Variants in MEIS2 observed in about 807,000 individuals in gnomAD.
MEIS2 encodes homeobox protein Meis2.
MEIS2 carries 9 observed loss-of-function variants against 58.6 expected under a neutral mutation model. The ratio of observed to expected loss-of-function variants is 0.15; its 90% CI spans 0.09 to 0.27. The LOEUF (loss-of-function observed/expected upper bound fraction) is 0.27. Ranked by LOEUF, MEIS2 falls within the 10% of genes least tolerant of loss-of-function variation. The pLI is 1.00. For missense variants in MEIS2, 427 were observed against 635.0 expected, an observed-to-expected ratio of 0.67 and a Z score of 3.52; for synonymous variants, 221 against 228.4, an observed-to-expected ratio of 0.97 and a Z score of 0.29.
chr15:37,078,605 C>CAAAAAAAAAAAA (rs540405090), intron 7 of MEIS2, among the ~76,000 whole-genome samples: 16 of 69,412 alleles, frequency 2.3e-4, no homozygotes, highest in Admixed American at 3.8e-4. Flanking sequence ...AAAAAACAAC[C>CAAAAAAAAAAAA]AAAAAAAAAA....
rs1382775870 is a variant in MEIS2, at chr15:36,891,069, A to T, written c.*1104T>A. ...ATTTATTACCGCTTTTTGTGACTTA[A>T]CACCTTTTTTTTTTTAACATAACGT... On this transcript the variant is annotated 3_prime_UTR_variant, in exon 12 of 12. Coordinates refer to ENST00000561208, the MANE Select transcript of MEIS2 (RefSeq NM_170675.5). 5 of 116,844 alleles carry T rather than the reference A, an allele frequency of 4.3e-5. No homozygotes were observed. The highest frequency in any genetic ancestry group is 1.8e-4 in the African/African-American group (5 of 28,188). The allele number at this position is 116,844 out of a possible 1,614,324, so 7.2% of individuals were successfully genotyped here. A position where few individuals can be genotyped will look rare whatever the true frequency, so the allele number is the denominator to read the frequency against.
chr15:37,098,556 A>C, intron 1 of MEIS2: 1 of 380,320 alleles, frequency 2.6e-6, no homozygotes, highest in Non-Finnish European at 3.8e-6. Flanking sequence ...TAAAAATGAA[A>C]AAGCATGAAC....
chr15:37,067,292 G>A (rs1040858735), intron 7 of MEIS2, among the ~76,000 whole-genome samples: 4 of 151,910 alleles, frequency 2.6e-5, no homozygotes, highest in South Asian at 2.1e-4. Context: ...GTTTCACCAC[G>A]TTGTCCAGAC....
At chr15:37,086,172 C>T (rs1892857248) in intron 6 of MEIS2, among the ~76,000 whole-genome samples, 1 of 152,054 alleles carries the variant, frequency 6.6e-6, no homozygotes, top group South Asian at 2.1e-4. Flanking sequence ...AATAATTAAC[C>T]ACTAACACCT....
intron 5 of MEIS2, 24 bp from the exon 6 acceptor site, chr15:37,093,754 G>A (rs778955416): frequency 3.1e-6 from 5 of 1,609,898 alleles, no homozygotes; most frequent in Non-Finnish European, 4.2e-6. Context: ...CATGGTGGAG[G>A]GTTTAGCTCA....
chr15:36,947,211 C>T (rs950365129), intron 9 of MEIS2, among the ~76,000 whole-genome samples: 1 of 151,936 alleles, frequency 6.6e-6, no homozygotes, highest in East Asian at 1.9e-4. Context: ...GACTGAGTGT[C>T]ATAAATTTCA....
At chr15:36,982,848 G>A (rs1184246118) in intron 8 of MEIS2, among the ~76,000 whole-genome samples, 1 of 152,106 alleles carries the variant, frequency 6.6e-6, no homozygotes, top group African/African-American at 2.4e-5. Flanking sequence ...TGTCCTAACA[G>A]GTGTGAGGTA....
At chr15:36,934,316 T>C (rs2141341222) in intron 9 of MEIS2, among the ~76,000 whole-genome samples, 1 of 152,176 alleles carries the variant, frequency 6.6e-6, no homozygotes, top group South Asian at 2.1e-4. Context: ...TTTCTTTTCA[T>C]AGAGTCAGGC....
chr15:37,026,097 T>C (rs1056473941), intron 8 of MEIS2, among the ~76,000 whole-genome samples: 3 of 152,156 alleles, frequency 2.0e-5, no homozygotes, highest in African/African-American at 7.2e-5. Context: ...TAGCAACTCA[T>C]GAGCTGCCTG....
chr15:37,011,805 A>C (rs1260858320), intron 8 of MEIS2, among the ~76,000 whole-genome samples: 1 of 151,772 alleles, frequency 6.6e-6, no homozygotes, highest in Non-Finnish European at 1.5e-5. Flanking sequence ...TTTTTAGTAG[A>C]GATGGGGTTT....
chr15:36,895,087 G>T, intron 11 of MEIS2, 64 bp downstream of exon 11: 1 of 1,333,208 alleles, frequency 7.5e-7, no homozygotes, highest in Non-Finnish European at 1.1e-6. Context: ...TAGAGTGGAT[G>T]GAGAGGCTGG....
At chr15:37,003,419 C>T (rs990914664) in intron 8 of MEIS2, among the ~76,000 whole-genome samples, 3 of 151,810 alleles carry the variant, frequency 2.0e-5, no homozygotes, top group Non-Finnish European at 4.4e-5. Context: ...AGACTTCATA[C>T]ATTTTGATTT....
chr15:37,098,379 G>GGAGGGAGA (rs1215994119), intron 1 of MEIS2, 180 bp from the exon 2 acceptor site: 72 of 307,904 alleles, frequency 2.3e-4, no homozygotes, highest in Admixed American at 6.5e-4. Flanking sequence ...GAGGAGAGGG[G>GGAGGGAGA]GAGAGAGAGA....
chr15:37,056,152 CTA>C (rs1436296221), intron 7 of MEIS2, among the ~76,000 whole-genome samples: 1 of 152,150 alleles, frequency 6.6e-6, no homozygotes, highest in Non-Finnish European at 1.5e-5. Context: ...CATCAATTTT[CTA>C]TAGAGAGTCT....
chr15:37,012,503 C>T (rs1214041028), intron 8 of MEIS2, among the ~76,000 whole-genome samples: 1 of 152,198 alleles, frequency 6.6e-6, no homozygotes, highest in African/African-American at 2.4e-5. Flanking sequence ...CGTGTGCCCA[C>T]AAAAAGGTCC....
At chr15:37,054,949 C>G (rs1291459392) in intron 7 of MEIS2, among the ~76,000 whole-genome samples, 1 of 152,192 alleles carries the variant, frequency 6.6e-6, no homozygotes, top group Non-Finnish European at 1.5e-5. Flanking sequence ...TTACTCTCTT[C>G]CAGACACTCT....
intron 8 of MEIS2, among the ~76,000 whole-genome samples, chr15:37,012,592 T>C (rs1595923535): frequency 1.3e-5 from 2 of 152,222 alleles, no homozygotes; most frequent in East Asian, 3.8e-4. Context: ...TGCTTGTTTG[T>C]GTGTATACAT....
At chr15:36,983,145 A>G (rs1175536698) in intron 8 of MEIS2, among the ~76,000 whole-genome samples, 1 of 152,040 alleles carries the variant, frequency 6.6e-6, no homozygotes, top group Non-Finnish European at 1.5e-5. Flanking sequence ...GAACCTGTTT[A>G]GTTTGATGCA....
intron 8 of MEIS2, among the ~76,000 whole-genome samples, chr15:36,991,783 CT>C (rs11285545): frequency 2.8e-3 from 145 of 51,038 alleles, no homozygotes; most frequent in African/African-American, 9.9e-3. Context: ...TTTTTTTTTT[CT>C]TTTTTTTTTT....
Sources: gnomAD v4.1 joint callset for allele counts (sites outside exome capture counted in the v4.1 genomes callset) on GRCh38, gnomAD v4.1.1 for gene constraint, MANE v1.5 for transcripts, NCBI Gene and HGNC (gene_info 2026-07-23, HGNC 2026-07-21) for gene names.